The following SEMA3D variants were observed in gnomAD, a reference collection of about 807,000 sequenced individuals.
SEMA3D encodes the protein semaphorin-3D.
Under a neutral mutation model 100.1 loss-of-function variants are expected in SEMA3D, and 84 were observed. That is an observed-to-expected ratio of 0.84 (90% CI 0.70 to 1.01). The LOEUF is 1.01. SEMA3D is among the 50% of genes least tolerant of loss of function. The pLI, the probability that SEMA3D is intolerant of heterozygous loss-of-function variation, is 0.00. For synonymous variants in SEMA3D, 312 were observed against 320.7 expected (o/e 0.97, Z 0.29); for missense variants, 875 against 934.1 (o/e 0.94, Z 0.82).
chr7:85,240,944 T>C, the SEMA3D span, among the ~76,000 whole-genome samples: 2 of 152,038 alleles, frequency 1.3e-5, no homozygotes, highest in Non-Finnish European at 2.9e-5. Context: ...ATCTAGAATC[T>C]ACAAGGAACT....
intron 2 of SEMA3D, among the ~76,000 whole-genome samples, chr7:85,132,433 A>G (rs1789750758): frequency 6.6e-6 from 1 of 151,902 alleles, no homozygotes; most frequent in Admixed American, 6.6e-5. Context: ...TGCCAGTATT[A>G]TTTGTAACAG....
At chr7:85,186,476 G>T (rs1791555432) in intron 1 of SEMA3D, among the ~76,000 whole-genome samples, 1 of 152,140 alleles carries the variant, frequency 6.6e-6, no homozygotes, top group East Asian at 1.9e-4. Flanking sequence ...CTGGCGCCGC[G>T]ATTACTGCGC....
chr7:85,190,010 C>T (rs1052619927), upstream of SEMA3D, among the ~76,000 whole-genome samples: 2 of 152,092 alleles, frequency 1.3e-5, no homozygotes, highest in African/African-American at 2.4e-5. Context: ...ATATTGTAGG[C>T]TTCTCCAATT....
intron 1 of SEMA3D, among the ~76,000 whole-genome samples, chr7:85,174,159 A>T (rs1791161200): frequency 6.6e-6 from 1 of 152,166 alleles, no homozygotes; most frequent in Admixed American, 6.6e-5. Flanking sequence ...GAGAAAAAAG[A>T]CCAAGACTAC....
At chr7:85,246,131 A>C in the SEMA3D span, among the ~76,000 whole-genome samples, 1 of 152,130 alleles carries the variant, frequency 6.6e-6, no homozygotes, top group East Asian at 1.9e-4. Flanking sequence ...ATATTCATTT[A>C]GGCTATGCCA....
chr7:85,210,183 T>G, the SEMA3D span, among the ~76,000 whole-genome samples: 1 of 152,102 alleles, frequency 6.6e-6, no homozygotes, highest in African/African-American at 2.4e-5. Context: ...GTAAAACCAT[T>G]GCAAATCTTC....
rs757699797 is a variant in SEMA3D, at chr7:84,999,877, G to A, written c.1909-12C>T. On this transcript the variant is annotated splice_polypyrimidine_tract_variant and intron_variant, in intron 18 of 18. Coordinates refer to ENST00000284136, the MANE Select transcript of SEMA3D (RefSeq NM_001384900.1). ...TCATCGGGCTTCAACTGCAGAATTG[G>A]AAAAATGTAGGTAATAAATTAAACA... is the stretch of plus-strand genomic sequence containing the variant. The A allele has an allele frequency of 1.9e-6, 3 of 1,606,032 alleles. No homozygotes were observed. Among genetic ancestry groups the A allele is most frequent in the Admixed American group, 1.7e-5 (1 of 59,140 alleles).
intron 1 of SEMA3D, among the ~76,000 whole-genome samples, chr7:85,179,381 C>A (rs1017532277): frequency 2.0e-5 from 3 of 152,168 alleles, no homozygotes; most frequent in African/African-American, 7.2e-5. Flanking sequence ...CTTCCCCAGG[C>A]TTTGAGAGCA....
intron 5 of SEMA3D, among the ~76,000 whole-genome samples, chr7:85,078,302 T>C (rs1787945778): frequency 6.8e-6 from 1 of 147,230 alleles, no homozygotes; most frequent in Non-Finnish European, 1.5e-5. Context: ...AAAAAGAAAG[T>C]GAGAGGAAGG....
In SEMA3D at chr7:85,063,687, G is replaced by A. The variant is rs142981757; in HGVS notation, c.718+1737C>T. ...AGTGGCCTCTTGTCTCTCTGTCCTC[G>A]TCCTTCTTTAGTCTTCCATTCATGC... On this transcript the variant is annotated intron_variant, in intron 8 of 18. Coordinates refer to ENST00000284136, the MANE Select transcript of SEMA3D (RefSeq NM_001384900.1). 3.6e-3 allele frequency among the ~76,000 whole-genome samples: 552 copies of A among 151,796 alleles called. 2 individuals carry two copies. The highest frequency in any genetic ancestry group is 6.0e-3 in the Non-Finnish European group (409 of 67,948).
chr7:85,007,291 T>C (rs1789826639), intron 17 of SEMA3D, among the ~76,000 whole-genome samples: 1 of 151,868 alleles, frequency 6.6e-6, no homozygotes, highest in South Asian at 2.1e-4. Flanking sequence ...TTTGTTAATA[T>C]AAAATATAAA....
the SEMA3D span, among the ~76,000 whole-genome samples, chr7:85,225,132 AATAT>A: frequency 7.9e-6 from 1 of 127,126 alleles, no homozygotes; most frequent in African/African-American, 2.9e-5. Context: ...ATATATAATA[AATAT>A]ATATATAAAA....
At chr7:85,150,150 G>A (rs1790326241) in intron 2 of SEMA3D, among the ~76,000 whole-genome samples, 2 of 151,452 alleles carry the variant, frequency 1.3e-5, no homozygotes, top group African/African-American at 4.8e-5. Flanking sequence ...TTTAAAACAT[G>A]TAAAACTTTT....
In SEMA3D at chr7:85,055,784, C is replaced by T. The variant is rs749012586; in HGVS notation, c.794G>A (p.Arg265His). 46 of 1,573,630 alleles carry T rather than the reference C, an allele frequency of 2.9e-5. No homozygotes were observed. In the Middle Eastern group the frequency reaches 5.0e-4, roughly 17 times the overall value. ...GGTACTGCCTTCTTGAGATGATTCA[C>T]GAAAGAAGAAATATATTTTATCATC... is the stretch of plus-strand genomic sequence containing the variant. ...PDDDKIYFFF[R>H]ESSQEGSTSD... is the part of the protein sequence containing the mutation. Residue 265 changes from arginine to histidine, a missense_variant, in exon 9 of 19, where the codon CGT becomes CAT. Coordinates refer to ENST00000284136, the MANE Select transcript of SEMA3D (RefSeq NM_001384900.1).
the SEMA3D span, among the ~76,000 whole-genome samples, chr7:85,226,999 A>T: frequency 6.6e-6 from 1 of 152,150 alleles, no homozygotes; most frequent in African/African-American, 2.4e-5. Context: ...CTTTCAAATA[A>T]AAATAAGATT....
intron 2 of SEMA3D, among the ~76,000 whole-genome samples, chr7:85,153,105 C>A (rs1163591972): frequency 6.6e-6 from 1 of 152,096 alleles, no homozygotes; most frequent in Non-Finnish European, 1.5e-5. Context: ...CAAAATTTCC[C>A]ACAGTCCTCC....
intron 3 of SEMA3D, among the ~76,000 whole-genome samples, chr7:85,108,360 A>T (rs1215554610): frequency 6.6e-5 from 10 of 152,064 alleles, no homozygotes; most frequent in Admixed American, 6.6e-4. Context: ...AATTTAGAGA[A>T]GTTAATGTGC....
At chr7:85,006,710 G>T in intron 18 of SEMA3D, 92 bp downstream of exon 18, 1 of 970,752 alleles carries the variant, frequency 1.0e-6, no homozygotes, top group Non-Finnish European at 1.4e-6. Flanking sequence ...ATCAAATAAT[G>T]ATGAGAGTAG....
the SEMA3D span, among the ~76,000 whole-genome samples, chr7:85,224,457 G>T: frequency 6.6e-6 from 1 of 152,104 alleles, no homozygotes; most frequent in Non-Finnish European, 1.5e-5. Context: ...TAATAGGAAA[G>T]TTATGGCTGA....
Sources: allele counts gnomAD v4.1 joint callset (sites outside exome capture counted in the v4.1 genomes callset), GRCh38; gene constraint gnomAD v4.1.1; transcripts MANE v1.5; gene names NCBI Gene and HGNC (gene_info 2026-07-23, HGNC 2026-07-21).